RUFY2: variants seen among roughly 807,000 people sequenced by gnomAD.
The protein encoded by RUFY2 is RUN and FYVE domain-containing protein 2.
In RUFY2, 49 loss-of-function variants were observed where a neutral mutation model predicts 94.4. The observed-to-expected ratio is 0.52, with a 90% CI of 0.41 to 0.66. The LOEUF is 0.66. Among genes scored for constraint, RUFY2 ranks in the 30% least tolerant of loss-of-function variants. The pLI is 0.00. For synonymous variants in RUFY2, 255 were observed against 235.7 expected, an observed-to-expected ratio of 1.08 and a Z score of -0.75; for missense variants, 541 against 692.8, an observed-to-expected ratio of 0.78 and a Z score of 2.46.
chr10:68,372,147 G>A (rs114879824), intron 13 of RUFY2, among the ~76,000 whole-genome samples: 3,018 of 152,194 alleles, frequency 0.02, 107 homozygotes, highest in African/African-American at 0.069. Context: ...AGTGGCTCAC[G>A]CCTGTAATCC....
At chr10:68,384,238 G>A in intron 8 of RUFY2, 86 bp from the exon 9 acceptor site, 3 of 1,420,660 alleles carry the variant, frequency 2.1e-6, no homozygotes, top group East Asian at 2.6e-5. Flanking sequence ...ATAAACATCA[G>A]AAAATAAAAT....
downstream of RUFY2, chr10:68,341,305 C>T: frequency 6.3e-7 from 1 of 1,599,800 alleles, no homozygotes. Flanking sequence ...ATAAAAATAA[C>T]ATGCGTAAGT....
Position 68,405,244 on chromosome 10 carries a change from C to T in RUFY2, c.5-400G>A, listed in dbSNP as rs2051183836. Among the ~76,000 whole-genome samples the T allele has an allele frequency of 4.2e-5, 6 of 144,562 alleles. No homozygotes were observed. In the South Asian group the frequency reaches 1.3e-3, roughly 31 times the overall value. 94.8% of individuals were successfully genotyped at this position (144,562 alleles called of 152,430 possible). On this transcript the variant is annotated intron_variant, in intron 1 of 17. Coordinates refer to ENST00000602465, the MANE Select transcript of RUFY2 (RefSeq NM_001330103.2). ...AGGAGAGTCACTTGAACCCAGGAGG[C>T]GGAGATTGCAGTGAGCTGAGATAGC...
Position 68,401,874 on chromosome 10 carries a change from C to G in RUFY2, c.179-137G>C, listed in dbSNP as rs550106682. On this transcript the variant is annotated intron_variant, in intron 2 of 17. Coordinates refer to ENST00000602465, the MANE Select transcript of RUFY2 (RefSeq NM_001330103.2). ...CTTTCCTCTTTTATCCACTACATAT[C>G]CCAGTGGATCTGGAGCCTGTGCCAG... 20 of 615,512 alleles carry G rather than the reference C, an allele frequency of 3.2e-5. No homozygotes were observed. In the African/African-American group the frequency reaches 3.5e-4, roughly 11 times the overall value. The allele number at this position is 615,512 out of a possible 1,614,324, so 38.1% of individuals were successfully genotyped here. A position where few individuals can be genotyped will look rare whatever the true frequency, so the allele number is the denominator to read the frequency against.
intron 3 of RUFY2, among the ~76,000 whole-genome samples, chr10:68,399,545 T>TATAAA (rs1372325273): frequency 6.6e-6 from 1 of 152,250 alleles, no homozygotes; most frequent in African/African-American, 2.4e-5. Context: ...AGTAGCCACT[T>TATAAA]ACTTTTATCA....
intron 16 of RUFY2, among the ~76,000 whole-genome samples, chr10:68,350,158 C>T (rs961860431): frequency 8.5e-5 from 13 of 152,062 alleles, no homozygotes; most frequent in African/African-American, 3.1e-4. Flanking sequence ...TACAGGCGCA[C>T]ACCACCATGC....
rs754974513 is a variant in RUFY2 at position 68,345,833 on chromosome 10, G to A, written c.1756C>T (p.Pro586Ser). ...TGACAGGAATCACAAACCCGTACTG[G>A]TTTTGGTGAAGAAGGCAAAGGTAGT... The part of the protein sequence containing the change: ...NELPLPSSPK[P>S]VRVCDSCHAL... Residue 586 changes from proline to serine, a missense_variant, in exon 18 of 18, where the codon CCA (proline) becomes TCA (serine). Around this residue, in one of 3 missense-constraint regions of RUFY2, gnomAD observed 403 missense variants for 480.7 expected, o/e 0.84. Transcript: ENST00000602465. 2 of 1,614,028 alleles carry A rather than the reference G, an allele frequency of 1.2e-6. No homozygotes were observed. Among genetic ancestry groups the A allele is most frequent in the Non-Finnish European group, 8.5e-7 (1 of 1,179,878 alleles).
downstream of RUFY2, chr10:68,341,785 G>C (rs759214011): frequency 6.2e-7 from 1 of 1,608,654 alleles, no homozygotes; most frequent in Non-Finnish European, 8.5e-7. Flanking sequence ...TGGATCAGTT[G>C]GAAGAATGGG....
chr10:68,347,889 A>G (rs1009442024), intron 16 of RUFY2, among the ~76,000 whole-genome samples: 1 of 151,382 alleles, frequency 6.6e-6, no homozygotes, highest in Non-Finnish European at 1.5e-5. Flanking sequence ...AAAGGCCCAT[A>G]GATACATTTC....
chr10:68,346,015 T>TA lies in RUFY2; in HGVS notation c.1668dup (p.Lys557Ter), dbSNP rs1564769307. 6.2e-7 allele frequency: 1 copy of TA among 1,613,910 alleles called. No individual in the cohort carries two copies. Among genetic ancestry groups the TA allele is most frequent in the Non-Finnish European group, 8.5e-7 (1 of 1,179,934 alleles). ...CTTCTTATCTCCCTTACCTTTCTCT[T>TA]AGAGAGTGAGAATTCCTTTTCACAA... is the stretch of plus-strand genomic sequence containing the variant. On this transcript the variant is annotated frameshift_variant, in exon 17 of 18. Coordinates refer to ENST00000602465, the MANE Select transcript of RUFY2 (RefSeq NM_001330103.2). LOFTEE classifies it high-confidence loss of function.
chr10:68,341,608 T>C (rs779311390), downstream of RUFY2: 1 of 1,612,748 alleles, frequency 6.2e-7, no homozygotes, highest in Non-Finnish European at 8.5e-7. Flanking sequence ...TGAACTCTTC[T>C]TGAATTCTAC....
chr10:68,404,306 A>G (rs2051101446), intron 2 of RUFY2, among the ~76,000 whole-genome samples: 1 of 152,114 alleles, frequency 6.6e-6, no homozygotes, highest in Non-Finnish European at 1.5e-5. Context: ...TCAACAATCC[A>G]CTATTTCAAT....
intron 1 of RUFY2, chr10:68,405,327 AG>A (rs1218866942): frequency 8.5e-5 from 26 of 304,138 alleles, no homozygotes; most frequent in South Asian, 5.2e-4. Context: ...AAAAAAAAAA[AG>A]AAAAAGAAAG....
chr10:68,393,654 A>G, intron 6 of RUFY2: 1 of 189,350 alleles, frequency 5.3e-6, no homozygotes, highest in Non-Finnish European at 1.1e-5. Context: ...GCTTGAACCC[A>G]GGAGGCGGAG....
At chr10:68,406,187 A>C (rs985423176) in intron 1 of RUFY2, among the ~76,000 whole-genome samples, 1 of 151,054 alleles carries the variant, frequency 6.6e-6, no homozygotes, top group African/African-American at 2.4e-5. Context: ...ACAACAAAAA[A>C]CCCAGAGTCT....
At chr10:68,384,776 G>A (rs1372066765) in intron 8 of RUFY2, among the ~76,000 whole-genome samples, 1 of 152,110 alleles carries the variant, frequency 6.6e-6, no homozygotes, top group Non-Finnish European at 1.5e-5. Context: ...CCCTAATGAT[G>A]GTTTGCAATT....
At chr10:68,356,483 G>A (rs113408273) in intron 15 of RUFY2, among the ~76,000 whole-genome samples, 3 of 152,178 alleles carry the variant, frequency 2.0e-5, no homozygotes, top group African/African-American at 7.2e-5. Flanking sequence ...TCCAGCCTGG[G>A]TGACAGCGAG....
At chr10:68,378,654 T>C in intron 12 of RUFY2, 1 of 1,611,828 alleles carries the variant, frequency 6.2e-7, no homozygotes, top group Non-Finnish European at 8.5e-7. Context: ...CTAGTTTGAG[T>C]TAACAAATCG....
At chr10:68,346,110 CA>C in intron 16 of RUFY2, 26 bp from the exon 17 acceptor site, 1 of 1,556,686 alleles carries the variant, frequency 6.4e-7, no homozygotes, top group Non-Finnish European at 8.8e-7. Flanking sequence ...TATTAATGCT[CA>C]AATTGGTAAC....
Sources: allele counts gnomAD v4.1 joint callset (sites outside exome capture counted in the v4.1 genomes callset), GRCh38; gene constraint gnomAD v4.1.1; regional missense constraint gnomAD v4.1.1; transcripts MANE v1.5; gene names NCBI Gene and HGNC (gene_info 2026-07-23, HGNC 2026-07-21).